The following DNAH11 variants were observed in gnomAD, a reference collection of about 807,000 sequenced individuals.
DNAH11 encodes dynein axonemal heavy chain 11, also known as axonemal beta dynein heavy chain 11.
A neutral mutation model predicts 526.0 loss-of-function variants in DNAH11; 442 were observed. The observed-to-expected ratio is 0.84, with a 90% CI of 0.78 to 0.91. The LOEUF is 0.91. DNAH11 is among the 40% of genes least tolerant of loss of function. DNAH11 has a pLI of 0.00. For synonymous variants in DNAH11, 2,461 were observed against 1,935.9 expected (o/e 1.27, Z -7.12); for missense variants, 6,989 against 5,448.7 (o/e 1.28, Z -8.90).
chr7:21,853,586 A>G (rs529757845), intron 67 of DNAH11, among the ~76,000 whole-genome samples: 1 of 152,278 alleles, frequency 6.6e-6, no homozygotes, highest in East Asian at 1.9e-4. Context: ...TTTATACACA[A>G]ATATTATGAG....
intron 2 of DNAH11, among the ~76,000 whole-genome samples, chr7:21,547,511 T>C (rs1173330853): frequency 6.6e-6 from 1 of 152,248 alleles, no homozygotes; most frequent in African/African-American, 2.4e-5. Flanking sequence ...TTGAGTACTA[T>C]GGGGTTACAA....
chr7:21,628,504 T>A (rs1786455107), intron 25 of DNAH11, among the ~76,000 whole-genome samples: 1 of 152,182 alleles, frequency 6.6e-6, no homozygotes, highest in Non-Finnish European at 1.5e-5. Context: ...CATAAACGGA[T>A]GTTGAATTTT....
chr7:21,704,506 C>G lies in DNAH11; in HGVS notation c.6346C>G (p.Leu2116Val). The G allele has an allele frequency of 6.2e-7, 1 of 1,613,846 alleles. No individual in the cohort carries two copies. Among genetic ancestry groups the G allele is most frequent in the Non-Finnish European group, 8.5e-7 (1 of 1,179,858 alleles). ...TGACGACATCCCAGTGTTTCTGGGC[C>G]TGGTCGGTGACCTGTTTCCAGCCCT... ...VTDDIPVFLGLVGDLFPALDV... is the reference protein window; with the variant it reads ...VTDDIPVFLGVVGDLFPALDV... The change falls in exon 38 of 82, where the codon CTG (leucine) becomes GTG (valine). Residue 2116 changes from leucine to valine, a missense_variant. Leu to Val is a conservative substitution (Grantham distance 32, BLOSUM62 1). Coordinates refer to ENST00000409508, the MANE Select transcript of DNAH11 (RefSeq NM_001277115.2).
chr7:21,828,374 T>G (rs1302082304), intron 65 of DNAH11, among the ~76,000 whole-genome samples: 1 of 152,252 alleles, frequency 6.6e-6, no homozygotes, highest in East Asian at 1.9e-4. Flanking sequence ...CATTCCAGTC[T>G]GTTCTAATTT....
chr7:21,707,635 C>A (rs760766156), intron 39 of DNAH11, 64 bp from the exon 40 acceptor site: 170 of 1,555,870 alleles, frequency 1.1e-4, no homozygotes, highest in Non-Finnish European at 1.3e-4. Context: ...CTTCAGAAAT[C>A]TTTTACTTTC....
At chr7:21,786,474 G>T in intron 58 of DNAH11, 150 bp from the exon 59 acceptor site, 1 of 848,120 alleles carries the variant, frequency 1.2e-6, no homozygotes, top group Non-Finnish European at 1.7e-6. Flanking sequence ...TTCCAAGGTG[G>T]AGTCCCCAGG....
chr7:21,741,877 T>C lies in DNAH11; in HGVS notation c.7915-50T>C, dbSNP rs769730272. 3.1e-6 allele frequency: 5 copies of C among 1,592,034 alleles called. No individual in the cohort carries two copies. In the South Asian group the frequency reaches 5.6e-5, roughly 18 times the overall value. On this transcript the variant is annotated intron_variant, in intron 48 of 81. Transcript: ENST00000409508. ...GAAAAAAAATCAGGTCTTTGCAATT[T>C]TCTGGTACAATTGTAATCCTTACAC...
Position 21,543,264 on chromosome 7 carries a change from GC to G in DNAH11, c.22del (p.Arg8GlyfsTer14). 1 of 1,539,258 alleles carries G rather than the reference GC, an allele frequency of 6.5e-7. No homozygotes were observed. Among genetic ancestry groups the G allele is most frequent in the Non-Finnish European group, 8.8e-7 (1 of 1,141,508 alleles). On this transcript the variant is annotated frameshift_variant, in exon 1 of 82. Coordinates refer to ENST00000409508, the MANE Select transcript of DNAH11 (RefSeq NM_001277115.2). LOFTEE classifies it high-confidence loss of function. ...TTGCCCAATGGCAGCCCAGGTGGCA[GC>G]CCGGGAGGCGCGAGACTTCAGAGAA... MAAQVA[A>X]REARDFREAP...
chr7:21,653,843 G>T (rs1781892262), intron 28 of DNAH11, among the ~76,000 whole-genome samples: 1 of 152,194 alleles, frequency 6.6e-6, no homozygotes, highest in African/African-American at 2.4e-5. Context: ...AAATGAAAAG[G>T]CTGAAAGCTT....
chr7:21,726,506 T>C (rs1054036108), intron 45 of DNAH11, among the ~76,000 whole-genome samples: 6 of 152,054 alleles, frequency 3.9e-5, no homozygotes, highest in African/African-American at 1.4e-4. Context: ...GAATAAGTTA[T>C]TGTGTTAATA....
chr7:21,659,056 A>G (rs1485866100), intron 30 of DNAH11, 25 bp downstream of exon 30: 4 of 1,521,786 alleles, frequency 2.6e-6, no homozygotes, highest in Non-Finnish European at 3.6e-6. Flanking sequence ...TGTGATTTTG[A>G]GACATAAAGG....
intron 54 of DNAH11, among the ~76,000 whole-genome samples, chr7:21,756,155 C>T (rs1786627170): frequency 6.6e-6 from 1 of 151,816 alleles, no homozygotes; most frequent in Non-Finnish European, 1.5e-5. Flanking sequence ...AACTATTATT[C>T]TGAATTTTCT....
chr7:21,644,075 G>T (rs1286143837), intron 28 of DNAH11, among the ~76,000 whole-genome samples: 3 of 152,158 alleles, frequency 2.0e-5, no homozygotes, highest in Non-Finnish European at 2.9e-5. Context: ...AAGGAAATCT[G>T]CCAACTTGTC....
chr7:21,571,650 TTAAA>T (rs1411014501), intron 7 of DNAH11, among the ~76,000 whole-genome samples, 152 bp from the exon 8 acceptor site: 46 of 152,184 alleles, frequency 3.0e-4, no homozygotes, highest in African/African-American at 1.1e-3. Flanking sequence ...CTTTGTTTAA[TTAAA>T]TACTTATTTC....
At position 21,677,968 on chromosome 7, in the gene DNAH11, T is replaced by G. The variant is rs1011434559; in HGVS notation, c.5329-3578T>G. Among the ~76,000 whole-genome samples the G allele has an allele frequency of 2.6e-5, 4 of 152,212 alleles. No homozygotes were observed. The East Asian group carries it at 7.7e-4, about 29-fold the overall frequency. On this transcript the variant is annotated intron_variant, in intron 30 of 81. Coordinates refer to ENST00000409508, the MANE Select transcript of DNAH11 (RefSeq NM_001277115.2). ...TGAGTTCCTTATATATTTTAGATAT[T>G]AATTCCTTATCAGATATATTGTTTG... is the stretch of plus-strand genomic sequence containing the variant.
chr7:21,543,327 G>C lies in DNAH11; in HGVS notation c.82G>C (p.Glu28Gln). 6.4e-7 allele frequency: 1 copy of C among 1,550,776 alleles called. No homozygotes were observed. The highest frequency in any genetic ancestry group is 8.7e-7 in the Non-Finnish European group (1 of 1,146,716). ...TLRLTSGAGL[E>Q]AVGAVELEEE... ...TCGCCTAACCTCGGGGGCCGGCCTG[G>C]AGGCAGTGGGCGCTGTGGAGCTCGA... The change falls in exon 1 of 82, where the codon GAG becomes CAG. Residue 28 changes from glutamate to glutamine, a missense_variant. By Grantham distance (29) the Glu-to-Gln change is conservative. Coordinates refer to ENST00000409508, the MANE Select transcript of DNAH11 (RefSeq NM_001277115.2).
In DNAH11 at chr7:21,543,219, C is replaced by T; in HGVS notation, c.-27C>T. The stretch of plus-strand genomic sequence containing the variant: ...GAGTCTCGGGTGAGGAGCCAGCCGG[C>T]CTCGCGTTCCCTCGGACGGTTGCCC... On this transcript the variant is annotated 5_prime_UTR_variant, in exon 1 of 82. Coordinates refer to ENST00000409508, the MANE Select transcript of DNAH11 (RefSeq NM_001277115.2). The T allele has an allele frequency of 1.3e-6, 2 of 1,493,664 alleles. No homozygotes were observed. 92.5% of individuals were successfully genotyped at this position (1,493,664 alleles called of 1,614,324 possible).
intron 2 of DNAH11, among the ~76,000 whole-genome samples, chr7:21,551,720 T>C (rs73064474): frequency 0.12 from 17,930 of 152,268 alleles, 1,202 homozygotes; most frequent in Non-Finnish European, 0.16. Context: ...TCCCATCATG[T>C]AGTGGAGCTT....
chr7:21,781,261 G>A (rs1369543858), intron 57 of DNAH11, among the ~76,000 whole-genome samples: 1 of 152,134 alleles, frequency 6.6e-6, no homozygotes, highest in Non-Finnish European at 1.5e-5. Flanking sequence ...CGTTTAACAT[G>A]ACTAAATAAA....
Sources: gnomAD v4.1 joint callset for allele counts (sites outside exome capture counted in the v4.1 genomes callset) on GRCh38, gnomAD v4.1.1 for gene constraint, MANE v1.5 for transcripts, NCBI Gene and HGNC (gene_info 2026-07-23, HGNC 2026-07-21) for gene names.